Variants in USP32 observed in about 807,000 individuals in gnomAD.
The protein encoded by USP32 is ubiquitin specific peptidase 32.
Under a neutral mutation model 204.8 loss-of-function variants are expected in USP32, and 59 were observed. The observed-to-expected ratio is 0.29, with a 90% CI of 0.23 to 0.36. USP32 has a LOEUF of 0.36. Ranked by LOEUF, USP32 falls within the 10% of genes least tolerant of loss-of-function variation. The pLI, the probability that USP32 is intolerant of heterozygous loss-of-function variation, is 1.00. For synonymous variants in USP32, 517 were observed against 678.4 expected (o/e 0.76, Z 3.70); for missense variants, 1,160 against 1,946.4 (o/e 0.60, Z 7.60).
At chr17:60,192,063 G>T (rs1447499862) in intron 28 of USP32, among the ~76,000 whole-genome samples, 1 of 152,030 alleles carries the variant, frequency 6.6e-6, no homozygotes, top group Non-Finnish European at 1.5e-5. Flanking sequence ...GGGAGGCTGA[G>T]GTGGGTGGAT....
intron 26 of USP32, among the ~76,000 whole-genome samples, chr17:60,201,857 C>T (rs2084685570): frequency 6.6e-6 from 1 of 152,134 alleles, no homozygotes; most frequent in Non-Finnish European, 1.5e-5. Flanking sequence ...TGGAGTTTCA[C>T]CATATTGGCC....
At chr17:60,364,580 T>C (rs1208454364) in intron 1 of USP32, among the ~76,000 whole-genome samples, 1 of 152,212 alleles carries the variant, frequency 6.6e-6, no homozygotes, top group African/African-American at 2.4e-5. Flanking sequence ...TTTCACCATG[T>C]TGGCCAGACT....
chr17:60,247,327 C>G (rs2086054524), intron 11 of USP32, among the ~76,000 whole-genome samples: 1 of 151,264 alleles, frequency 6.6e-6, no homozygotes, highest in Admixed American at 6.6e-5. Flanking sequence ...TTACAGGCGC[C>G]TGCCACCATA....
intron 16 of USP32, among the ~76,000 whole-genome samples, chr17:60,219,303 A>G (rs1186017609): frequency 6.6e-6 from 1 of 152,178 alleles, no homozygotes; most frequent in Non-Finnish European, 1.5e-5. Context: ...ACTACTACTT[A>G]GTCTAGTAAC....
intron 16 of USP32, among the ~76,000 whole-genome samples, chr17:60,219,038 TTA>T (rs1199454513): frequency 1.3e-5 from 2 of 152,220 alleles, no homozygotes; most frequent in African/African-American, 4.8e-5. Flanking sequence ...GGGAACTACT[TTA>T]TATGTCATTT....
intron 11 of USP32, among the ~76,000 whole-genome samples, chr17:60,243,760 C>A (rs1000616322): frequency 1.3e-5 from 2 of 152,120 alleles, no homozygotes; most frequent in Non-Finnish European, 2.9e-5. Context: ...AGTATATGGT[C>A]TATCCTAGAA....
chr17:60,304,575 C>A (rs1186872305), intron 2 of USP32, among the ~76,000 whole-genome samples: 1 of 151,970 alleles, frequency 6.6e-6, no homozygotes, highest in Non-Finnish European at 1.5e-5. Flanking sequence ...CAGTCTACAT[C>A]AGTAAGAGAA....
chr17:60,219,279 T>C (rs906683374), intron 16 of USP32, among the ~76,000 whole-genome samples: 11 of 152,178 alleles, frequency 7.2e-5, no homozygotes, highest in African/African-American at 2.7e-4. Context: ...AAAAGACCAG[T>C]CAATGACTGG....
At position 60,238,718 on chromosome 17, in the gene USP32, C is replaced by T. The variant is rs138596888; in HGVS notation, c.1137-2478G>A. Among the ~76,000 whole-genome samples the T allele has an allele frequency of 1.6e-3, 248 of 151,418 alleles. 1 individual carries two copies. Among genetic ancestry groups the T allele is most frequent in the African/African-American group, 4.9e-3 (200 of 41,210 alleles). ...ACTTGGGAGGCTGACACAGTAGAATCGCTTGAACCCAGGAGGCAGAGTTTG... is the reference window on the plus strand; with the variant it reads ...ACTTGGGAGGCTGACACAGTAGAATTGCTTGAACCCAGGAGGCAGAGTTTG... On this transcript the variant is annotated intron_variant, in intron 11 of 33. Coordinates refer to ENST00000300896, the MANE Select transcript of USP32 (RefSeq NM_032582.4).
chr17:60,277,632 A>G (rs941391455), intron 5 of USP32, among the ~76,000 whole-genome samples: 1 of 152,246 alleles, frequency 6.6e-6, no homozygotes, highest in South Asian at 2.1e-4. Flanking sequence ...TAAGGACAAT[A>G]TACATTTCTT....
intron 1 of USP32, among the ~76,000 whole-genome samples, chr17:60,353,302 C>A (rs1033464885): frequency 1.6e-4 from 24 of 152,126 alleles, no homozygotes; most frequent in African/African-American, 5.8e-4. Context: ...AAAAACAAAA[C>A]CTTGCTGGAA....
intron 21 of USP32, among the ~76,000 whole-genome samples, chr17:60,210,002 G>A (rs1457178026): frequency 1.3e-5 from 2 of 151,788 alleles, no homozygotes; most frequent in African/African-American, 2.4e-5. Flanking sequence ...AAAATAATAT[G>A]TGTATACATT....
At chr17:60,361,794 C>T (rs918862048) in intron 1 of USP32, among the ~76,000 whole-genome samples, 1 of 152,104 alleles carries the variant, frequency 6.6e-6, no homozygotes, top group Non-Finnish European at 1.5e-5. Flanking sequence ...CTATTATGTC[C>T]TCATTTCTAT....
intron 1 of USP32, among the ~76,000 whole-genome samples, chr17:60,384,648 G>A (rs540986147): frequency 1.6e-3 from 249 of 152,028 alleles, no homozygotes; most frequent in African/African-American, 5.9e-3. Context: ...AAAATTAGTC[G>A]GGCATGGTGG....
chr17:60,270,772 GA>G (rs1178448824), intron 6 of USP32, among the ~76,000 whole-genome samples: 1 of 149,772 alleles, frequency 6.7e-6, no homozygotes, highest in Non-Finnish European at 1.5e-5. Flanking sequence ...GCAGTGAGCC[GA>G]GATGGCGCCA....
intron 1 of USP32, among the ~76,000 whole-genome samples, chr17:60,398,928 C>T (rs958381838): frequency 1.3e-5 from 2 of 152,078 alleles, no homozygotes; most frequent in Non-Finnish European, 2.9e-5. Flanking sequence ...CTGCAGTGAG[C>T]TATGATCATG....
In USP32 at chr17:60,179,334, T is replaced by A. The variant is rs2084040312; in HGVS notation, c.4736A>T (p.Asp1579Val). 4 of 1,613,796 alleles carry A rather than the reference T, an allele frequency of 2.5e-6. No individual in the cohort carries two copies. Among genetic ancestry groups the A allele is most frequent in the African/African-American group, 1.3e-5 (1 of 74,928 alleles). Reference protein sequence around the residue: ...IDYAQFLPKTDGKKMADTSSM... With the variant: ...IDYAQFLPKTVGKKMADTSSM... ...GCTTGTGTCTGCCATCTTTTTGCCA[T>A]CAGTCTTTGGCAGAAATTGTGCATA... Residue 1579 changes from aspartate (D) to valine (V), a missense_variant, in exon 34 of 34, where the codon GAT (aspartate) becomes GTT (valine). By Grantham distance (152) the Asp-to-Val change is radical. Transcript: ENST00000300896.
intron 23 of USP32, 45 bp from the exon 24 acceptor site, chr17:60,208,255 T>C (rs761791822): frequency 1.9e-5 from 30 of 1,543,176 alleles, no homozygotes; most frequent in Middle Eastern, 3.6e-4. Flanking sequence ...GCAGGTTTCA[T>C]TGAAAGTCTT....
At chr17:60,222,194 A>G (rs1347668627) in intron 15 of USP32, among the ~76,000 whole-genome samples, 1 of 152,230 alleles carries the variant, frequency 6.6e-6, no homozygotes, top group East Asian at 1.9e-4. Flanking sequence ...TTATGTGGAT[A>G]ACACATTCAA....
Sources: gnomAD v4.1 joint callset for allele counts (sites outside exome capture counted in the v4.1 genomes callset) on GRCh38, gnomAD v4.1.1 for gene constraint, MANE v1.5 for transcripts, NCBI Gene and HGNC (gene_info 2026-07-23, HGNC 2026-07-21) for gene names.